Variants in WWOX observed in about 807,000 individuals in gnomAD.
WWOX encodes the protein WW domain containing oxidoreductase, also known as WW domain-containing oxidoreductase.
Under a neutral mutation model 46.2 loss-of-function variants are expected in WWOX, and 69 were observed. The ratio of observed to expected loss-of-function variants is 1.49; its 90% CI spans 1.23 to 1.82. The LOEUF (loss-of-function observed/expected upper bound fraction) is 1.82, where lower values mean the gene tolerates loss of function less well. Among genes scored for constraint, WWOX ranks in the 40% most tolerant of loss-of-function variants. The pLI is 0.00. For missense variants in WWOX, 919 were observed against 542.6 expected (o/e 1.69, Z -6.89); for synonymous variants, 359 against 202.6 (o/e 1.77, Z -6.56).
intron 8 of WWOX, among the ~76,000 whole-genome samples, chr16:78,797,562 T>TA (rs1391189426): frequency 6.6e-6 from 1 of 152,084 alleles, no homozygotes; most frequent in Non-Finnish European, 1.5e-5. Flanking sequence ...CTGGCTGCTT[T>TA]TTCAACCTGG....
chr16:78,722,220 G>C (rs952131346), intron 8 of WWOX, among the ~76,000 whole-genome samples: 3 of 152,176 alleles, frequency 2.0e-5, no homozygotes, highest in Non-Finnish European at 4.4e-5. Flanking sequence ...TCCTGTAGTA[G>C]TTATGGTCAC....
At chr16:78,247,293 A>C (rs762562743) in intron 5 of WWOX, among the ~76,000 whole-genome samples, 6 of 152,100 alleles carry the variant, frequency 3.9e-5, no homozygotes, top group Non-Finnish European at 7.3e-5. Flanking sequence ...AAAGCAGTTA[A>C]ACTTTGGTCA....
chr16:78,922,418 G>A (rs185364500), intron 8 of WWOX, among the ~76,000 whole-genome samples: 324 of 147,372 alleles, frequency 2.2e-3, no homozygotes, highest in African/African-American at 7.6e-3. Context: ...TCATTCTGTC[G>A]CTCAGGCTGG....
intron 8 of WWOX, among the ~76,000 whole-genome samples, chr16:79,111,792 A>T (rs1597385934): frequency 6.6e-6 from 1 of 152,216 alleles, no homozygotes; most frequent in African/African-American, 2.4e-5. Context: ...ATTATGATTT[A>T]TAGACCACAC....
intron 8 of WWOX, among the ~76,000 whole-genome samples, chr16:78,567,748 G>A (rs1051451858): frequency 6.6e-6 from 1 of 151,926 alleles, no homozygotes; most frequent in South Asian, 2.1e-4. Context: ...GCTGAGTCGG[G>A]GAGAAAAGGA....
chr16:78,441,142 C>T (rs1794485188), intron 8 of WWOX, among the ~76,000 whole-genome samples: 1 of 152,054 alleles, frequency 6.6e-6, no homozygotes, highest in Admixed American at 6.6e-5. Context: ...GGGATTTCAA[C>T]ATGTTGGCCA....
intron 8 of WWOX, among the ~76,000 whole-genome samples, chr16:78,886,309 G>C (rs144133452): frequency 0.018 from 2,547 of 143,692 alleles, 66 homozygotes; most frequent in African/African-American, 0.058. Flanking sequence ...TTTACTTTTT[G>C]CCTCATGAAT....
chr16:79,047,374 GC>G (rs1369047406), intron 8 of WWOX, among the ~76,000 whole-genome samples: 1 of 152,146 alleles, frequency 6.6e-6, no homozygotes, highest in African/African-American at 2.4e-5. Flanking sequence ...ATTTGACAAG[GC>G]CAGAAATAGA....
intron 8 of WWOX, among the ~76,000 whole-genome samples, chr16:78,947,114 G>C (rs971148421): frequency 1.4e-5 from 2 of 146,324 alleles, no homozygotes; most frequent in African/African-American, 5.0e-5. Flanking sequence ...AAAAAAAAAA[G>C]AGGGGGAAAA....
intron 8 of WWOX, among the ~76,000 whole-genome samples, chr16:79,130,478 G>A (rs551927820): frequency 1.3e-5 from 2 of 152,262 alleles, no homozygotes; most frequent in South Asian, 4.2e-4. Context: ...AAAGGCCTCA[G>A]AGAGAAGATG....
rs973667816 is a variant in WWOX, at chr16:78,894,003, T to C, written c.1057-317605T>C. Among the ~76,000 whole-genome samples, 3 of 129,154 alleles carry C rather than the reference T, an allele frequency of 2.3e-5. No homozygotes were observed. In the South Asian group the frequency reaches 7.7e-4, roughly 33 times the overall value. The allele number at this position is 129,154 out of a possible 152,430, so 84.7% of individuals were successfully genotyped here. ...GGTATCCCTGATTACCATAGAGTAA[T>C]GTCTTTTATTGAGGCTTTTATTATT... On this transcript the variant is annotated intron_variant, in intron 8 of 8. Transcript: ENST00000566780.
chr16:78,740,344 G>A (rs1451449681), intron 8 of WWOX, among the ~76,000 whole-genome samples: 1 of 152,130 alleles, frequency 6.6e-6, no homozygotes, highest in Non-Finnish European at 1.5e-5. Flanking sequence ...AAATCAAGCA[G>A]CCTCTCTTGA....
At chr16:78,197,534 C>T (rs546623360) in intron 5 of WWOX, among the ~76,000 whole-genome samples, 105 of 152,190 alleles carry the variant, frequency 6.9e-4, no homozygotes, top group African/African-American at 2.2e-3. Context: ...GTTTAATAAA[C>T]GTTACCATGA....
chr16:78,415,864 C>G (rs7200509), intron 6 of WWOX, among the ~76,000 whole-genome samples: 1 of 152,068 alleles, frequency 6.6e-6, no homozygotes, highest in Admixed American at 6.6e-5. Flanking sequence ...GTCCTCTGGC[C>G]CAGAAGGAAT....
chr16:78,618,839 G>T (rs2046095722), intron 8 of WWOX, among the ~76,000 whole-genome samples: 1 of 151,750 alleles, frequency 6.6e-6, no homozygotes, highest in African/African-American at 2.4e-5. Flanking sequence ...CAATCACTCA[G>T]ACCCAGCTGA....
chr16:78,985,782 G>C (rs72628255), intron 8 of WWOX, among the ~76,000 whole-genome samples: 2 of 10,378 alleles, frequency 1.9e-4, no homozygotes, highest in African/African-American at 1.1e-4. Context: ...AAGAAAAAAA[G>C]AATAGGCACA....
At chr16:78,635,345 T>A (rs962709170) in intron 8 of WWOX, among the ~76,000 whole-genome samples, 13 of 152,136 alleles carry the variant, frequency 8.5e-5, no homozygotes, top group Non-Finnish European at 1.3e-4. Flanking sequence ...TGGACTTGGA[T>A]CTAGGCCACT....
In WWOX at chr16:78,638,005, A is replaced by G. The variant is rs543205023; in HGVS notation, c.1056+205253A>G. Among the ~76,000 whole-genome samples the G allele has an allele frequency of 5.9e-5, 9 of 152,260 alleles. No homozygotes were observed. The South Asian group carries it at 1.2e-3, about 21-fold the overall frequency. ...TTTCAACTTGCTCACCTGTCTGTGC[A>G]GTGTTTGAGTTCTTCCCTGGGAAGC... On this transcript the variant is annotated intron_variant, in intron 8 of 8. Coordinates refer to ENST00000566780, the MANE Select transcript of WWOX (RefSeq NM_016373.4).
chr16:78,815,027 T>G (rs555408011), intron 8 of WWOX, among the ~76,000 whole-genome samples: 3 of 152,180 alleles, frequency 2.0e-5, no homozygotes, highest in Non-Finnish European at 2.9e-5. Flanking sequence ...CCTTCCTCTG[T>G]AGAAGGTTTC....
Sources: allele counts gnomAD v4.1 joint callset (sites outside exome capture counted in the v4.1 genomes callset), GRCh38; gene constraint gnomAD v4.1.1; transcripts MANE v1.5; gene names NCBI Gene and HGNC (gene_info 2026-07-23, HGNC 2026-07-21).